The following DAPK1 variants were observed in gnomAD, a reference collection of about 807,000 sequenced individuals.
DAPK1 encodes death associated protein kinase 1.
A neutral mutation model predicts 144.9 loss-of-function variants in DAPK1; 56 were observed. The ratio of observed to expected loss-of-function variants is 0.39; its 90% CI spans 0.31 to 0.48. DAPK1 has a LOEUF of 0.48. DAPK1 is among the 20% of genes least tolerant of loss of function. DAPK1 has a pLI of 0.95. For synonymous variants in DAPK1, 690 were observed against 749.0 expected (o/e 0.92, Z 1.29); for missense variants, 1,454 against 1,875.4 (o/e 0.78, Z 4.15).
chr9:87,571,471 A>ACC (rs1564000804), intron 2 of DAPK1, among the ~76,000 whole-genome samples: 12 of 49,118 alleles, frequency 2.4e-4, no homozygotes, highest in South Asian at 7.9e-4. Flanking sequence ...ACACACACAC[A>ACC]CACCAACACA....
Position 87,571,158 on chromosome 9 carries a change from C to T in DAPK1, c.63-33796C>T, listed in dbSNP as rs75737691. Among the ~76,000 whole-genome samples, 916 of 152,154 alleles carry T rather than the reference C, an allele frequency of 6.0e-3. 15 individuals are homozygous for T. Among genetic ancestry groups the T allele is most frequent in the African/African-American group, 0.021 (886 of 41,498 alleles). ...AGGCATTGTGTATTCGGTACACACACACTAAGGGAACAGTGACTTAATTGT... is the reference window on the plus strand; with the variant it reads ...AGGCATTGTGTATTCGGTACACACATACTAAGGGAACAGTGACTTAATTGT... On this transcript the variant is annotated intron_variant, in intron 2 of 25. Coordinates refer to ENST00000408954, the MANE Select transcript of DAPK1 (RefSeq NM_004938.4).
At chr9:87,619,575 C>G (rs904911454) in intron 3 of DAPK1, among the ~76,000 whole-genome samples, 4 of 152,196 alleles carry the variant, frequency 2.6e-5, no homozygotes, top group African/African-American at 9.6e-5. Context: ...CTGCCATACT[C>G]TAAGTAGTCC....
intron 15 of DAPK1, 24 bp downstream of exon 15, chr9:87,648,903 C>T: frequency 6.3e-7 from 1 of 1,587,082 alleles, no homozygotes. Context: ...GACATCCTCC[C>T]TTCCTCTGCT....
chr9:87,553,437 C>G (rs2118582204), intron 2 of DAPK1: 1 of 152,018 alleles, frequency 6.6e-6, no homozygotes, highest in Non-Finnish European at 1.5e-5. Flanking sequence ...ATCCCAAGCC[C>G]TGAGCACTAT....
intron 2 of DAPK1, among the ~76,000 whole-genome samples, chr9:87,600,297 A>G (rs1828471134): frequency 6.6e-6 from 1 of 152,166 alleles, no homozygotes; most frequent in Non-Finnish European, 1.5e-5. Context: ...GTTACAAATA[A>G]ATTTTATGCC....
chr9:87,525,737 C>T (rs1334313068), intron 2 of DAPK1, among the ~76,000 whole-genome samples: 3 of 152,186 alleles, frequency 2.0e-5, no homozygotes, highest in South Asian at 4.2e-4. Context: ...GCACTGTGGC[C>T]GCTCCCAGCT....
At chr9:87,615,575 C>T (rs36208062) in intron 3 of DAPK1, among the ~76,000 whole-genome samples, 13 of 152,208 alleles carry the variant, frequency 8.5e-5, no homozygotes, top group African/African-American at 1.4e-4. Flanking sequence ...TAGGGTAGAA[C>T]GTTCACTACT....
chr9:87,653,964 G>A (rs1402718580), intron 17 of DAPK1, among the ~76,000 whole-genome samples: 1 of 152,156 alleles, frequency 6.6e-6, no homozygotes, highest in Non-Finnish European at 1.5e-5. Context: ...AATGTGCTGG[G>A]TTTACAGGCA....
At chr9:87,575,237 AAAATAAAATAAAAT>A (rs1827501534) in intron 2 of DAPK1, among the ~76,000 whole-genome samples, 1 of 76,916 alleles carries the variant, frequency 1.3e-5, no homozygotes, top group Admixed American at 1.6e-4. Context: ...AAAATAAAAT[AAAATAAAATAAAAT>A]AAAATAAAAT....
intron 3 of DAPK1, among the ~76,000 whole-genome samples, chr9:87,636,833 A>G (rs772893287): frequency 2.0e-5 from 3 of 152,090 alleles, no homozygotes; most frequent in African/African-American, 4.8e-5. Context: ...ACTTATAAAA[A>G]CTCTTATTAA....
chr9:87,700,428 G>A (rs1825419904), intron 24 of DAPK1, among the ~76,000 whole-genome samples, 191 bp downstream of exon 24: 1 of 152,060 alleles, frequency 6.6e-6, no homozygotes, highest in African/African-American at 2.4e-5. Context: ...GGGTTATTAT[G>A]GGCAAGGTGG....
intron 21 of DAPK1, among the ~76,000 whole-genome samples, chr9:87,694,486 G>A (rs1317564042): frequency 6.6e-6 from 1 of 152,224 alleles, no homozygotes; most frequent in African/African-American, 2.4e-5. Context: ...GAGTCAGGGA[G>A]GCAGTGGCTG....
chr9:87,624,401 C>T (rs1412571812), intron 3 of DAPK1, among the ~76,000 whole-genome samples: 2 of 152,228 alleles, frequency 1.3e-5, no homozygotes, highest in East Asian at 3.9e-4. Context: ...TCCTCCAAAA[C>T]AGGACATGGA....
At chr9:87,703,453 CAG>C (rs1825527028) in intron 25 of DAPK1, among the ~76,000 whole-genome samples, 1 of 147,222 alleles carries the variant, frequency 6.8e-6, no homozygotes, top group African/African-American at 2.7e-5. Flanking sequence ...CTTTTATTTC[CAG>C]AGTCTGTTAG....
intron 3 of DAPK1, among the ~76,000 whole-genome samples, chr9:87,623,622 G>A (rs1829385721): frequency 6.6e-6 from 1 of 152,194 alleles, no homozygotes; most frequent in Non-Finnish European, 1.5e-5. Context: ...GGGTGCAGTG[G>A]TGACGCTATG....
intron 2 of DAPK1, among the ~76,000 whole-genome samples, chr9:87,581,380 T>A (rs1468493249): frequency 6.6e-6 from 1 of 151,946 alleles, no homozygotes; most frequent in African/African-American, 2.4e-5. Flanking sequence ...AAATAAACTC[T>A]GGTTTGCCTG....
At chr9:87,530,388 G>A (rs1332360058) in intron 2 of DAPK1, among the ~76,000 whole-genome samples, 7 of 152,168 alleles carry the variant, frequency 4.6e-5, no homozygotes, top group African/African-American at 1.4e-4. Context: ...GATTTTAAAT[G>A]TGCAAGTTAA....
At chr9:87,512,076 T>G (rs1487540566) in intron 2 of DAPK1, among the ~76,000 whole-genome samples, 2 of 152,152 alleles carry the variant, frequency 1.3e-5, no homozygotes, top group African/African-American at 4.8e-5. Flanking sequence ...TTTGTTTATT[T>G]TTTTAGAGAC....
At chr9:87,700,045 G>T in intron 23 of DAPK1, 72 bp from the exon 24 acceptor site, 2 of 1,308,922 alleles carry the variant, frequency 1.5e-6, no homozygotes, top group Non-Finnish European at 1.1e-6. Context: ...GAGCCAGTAG[G>T]AGCCTGGCCC....
Sources: allele counts gnomAD v4.1 joint callset (sites outside exome capture counted in the v4.1 genomes callset), GRCh38; gene constraint gnomAD v4.1.1; transcripts MANE v1.5; gene names NCBI Gene and HGNC (gene_info 2026-07-23, HGNC 2026-07-21).